Variants in USP31 observed in about 807,000 individuals in gnomAD.
USP31 encodes ubiquitin carboxyl-terminal hydrolase 31.
Under a neutral mutation model 119.4 loss-of-function variants are expected in USP31, and 44 were observed. That is an observed-to-expected ratio of 0.37 (90% confidence interval 0.29 to 0.47). USP31 has a LOEUF of 0.47. Among genes scored for constraint, USP31 ranks in the 20% least tolerant of loss-of-function variants. The pLI is 0.99. For missense variants in USP31, 1,643 were observed against 1,730.2 expected (o/e 0.95, Z 0.89); for synonymous variants, 749 against 705.6 (o/e 1.06, Z -0.97).
At chr16:23,072,721 C>T (rs373671524) in intron 14 of USP31, among the ~76,000 whole-genome samples, 3 of 152,106 alleles carry the variant, frequency 2.0e-5, no homozygotes, top group Non-Finnish European at 4.4e-5. Context: ...GTTCCAGGGA[C>T]GCCCTTAAAT....
Position 23,087,769 on chromosome 16 carries a change from G to C in USP31, c.1482C>G (p.Ile494Met). 1 of 1,614,070 alleles carries C rather than the reference G, an allele frequency of 6.2e-7. No individual in the cohort carries two copies. Among genetic ancestry groups the C allele is most frequent in the African/African-American group, 1.3e-5 (1 of 75,050 alleles). The stretch of plus-strand genomic sequence containing the variant: ...TCAAGAAATACTTCATCTTCTCCAA[G>C]ATTTCCTTCTGCAGAAGGTCCCAAG... Reference protein sequence around the residue: ...TIAWDLLQKEILEKMKYFLRP... With the variant: ...TIAWDLLQKEMLEKMKYFLRP... Residue 494 changes from isoleucine (I) to methionine (M), a missense_variant, in exon 8 of 16, where the codon ATC becomes ATG. Physicochemically the swap from Ile to Met is conservative, Grantham distance 10 (BLOSUM62 1). Coordinates refer to ENST00000219689, the MANE Select transcript of USP31 (RefSeq NM_020718.4).
chr16:23,080,742 G>A (rs1900784209), intron 12 of USP31, among the ~76,000 whole-genome samples: 1 of 152,212 alleles, frequency 6.6e-6, no homozygotes, highest in Non-Finnish European at 1.5e-5. Context: ...AAGAGATAAT[G>A]ACTGAATGTT....
intron 7 of USP31, among the ~76,000 whole-genome samples, chr16:23,088,965 C>T (rs1011949619): frequency 3.3e-5 from 5 of 152,210 alleles, no homozygotes; most frequent in African/African-American, 7.2e-5. Flanking sequence ...TCAAACTGTT[C>T]GCTCACAGTG....
intron 1 of USP31, among the ~76,000 whole-genome samples, chr16:23,131,016 A>T (rs1260853018): frequency 6.6e-6 from 1 of 152,190 alleles, no homozygotes; most frequent in Non-Finnish European, 1.5e-5. Flanking sequence ...CCGTCAAGAC[A>T]TTTAGAAATT....
chr16:23,107,294 C>T (rs892373862), intron 2 of USP31, among the ~76,000 whole-genome samples: 2 of 152,104 alleles, frequency 1.3e-5, no homozygotes, highest in African/African-American at 4.8e-5. Context: ...CTGTACAGAA[C>T]ATTAGGATAC....
At chr16:23,120,938 CACACA>C (rs1902646313) in intron 1 of USP31, among the ~76,000 whole-genome samples, 1 of 152,124 alleles carries the variant, frequency 6.6e-6, no homozygotes, top group African/African-American at 2.4e-5. Flanking sequence ...TATATATACA[CACACA>C]AGAGGCAAAA....
At chr16:23,081,709 G>A (rs544366829) in intron 12 of USP31, among the ~76,000 whole-genome samples, 47 of 152,136 alleles carry the variant, frequency 3.1e-4, no homozygotes, top group Non-Finnish European at 6.6e-4. Context: ...ATCCACCCAC[G>A]TCTTCCATCA....
At chr16:23,115,494 A>C (rs1345909811) in intron 1 of USP31, among the ~76,000 whole-genome samples, 2 of 152,248 alleles carry the variant, frequency 1.3e-5, no homozygotes, top group Non-Finnish European at 2.9e-5. Flanking sequence ...GTCTCTATTT[A>C]AAATAAATAA....
At chr16:23,122,379 T>A (rs993650920) in intron 1 of USP31, among the ~76,000 whole-genome samples, 1 of 152,186 alleles carries the variant, frequency 6.6e-6, no homozygotes, top group African/African-American at 2.4e-5. Context: ...TAAAATGGTA[T>A]AGCAATGTTG....
rs1901920246 is a variant in USP31 at position 23,102,448 on chromosome 16, T to C, written c.1105A>G (p.Met369Val). ...IPTDQIVLTE[M>V]YYDGFHRSFC... ...GAACGATGGAACCCATCATAGTACA[T>C]TTCTGTTAACACAATCTAAAAATAG... Residue 369 changes from methionine to valine, a missense_variant, in exon 6 of 16, where the codon ATG (methionine) becomes GTG (valine). Physicochemically the swap from Met to Val is conservative, Grantham distance 21. Around this residue, in one of 5 missense-constraint regions of USP31, gnomAD observed 219 missense variants for 226.4 expected, o/e 0.97. Coordinates refer to ENST00000219689, the MANE Select transcript of USP31 (RefSeq NM_020718.4). The C allele has an allele frequency of 6.2e-7, 1 of 1,608,822 alleles. No homozygotes were observed. Among genetic ancestry groups the C allele is most frequent in the Non-Finnish European group, 8.5e-7 (1 of 1,178,198 alleles).
intron 1 of USP31, among the ~76,000 whole-genome samples, chr16:23,120,141 C>A (rs1902619508): frequency 6.6e-6 from 1 of 152,118 alleles, no homozygotes; most frequent in Admixed American, 6.5e-5. Context: ...GTAAAACAAA[C>A]CCTTTTTTTA....
In USP31 at chr16:23,062,365, A is replaced by C. The variant is rs1899869583; in HGVS notation, c.*5681T>G. The C allele has an allele frequency of 1.4e-5, 2 of 144,694 alleles. No individual in the cohort carries two copies. Among genetic ancestry groups the C allele is most frequent in the East Asian group, 3.9e-4 (2 of 5,066 alleles). 9.0% of individuals were successfully genotyped at this position (144,694 alleles called of 1,614,324 possible). On this transcript the variant is annotated 3_prime_UTR_variant, in exon 16 of 16. Transcript: ENST00000219689. ...AACAAAAACACGAAAAAATAGCAAT[A>C]AGGGTTTTTTTTTTTTAAAAAAAAG...
At chr16:23,145,131 G>T (rs1033763209) in intron 1 of USP31, among the ~76,000 whole-genome samples, 1 of 152,012 alleles carries the variant, frequency 6.6e-6, no homozygotes, top group Non-Finnish European at 1.5e-5. Flanking sequence ...TCCTTGCCCT[G>T]CAAATTTCTA....
intron 7 of USP31, among the ~76,000 whole-genome samples, chr16:23,090,301 G>A (rs1366854665): frequency 1.3e-5 from 2 of 152,066 alleles, no homozygotes; most frequent in African/African-American, 4.8e-5. Context: ...CAAGAGAATC[G>A]CTTGAACCTG....
intron 1 of USP31, among the ~76,000 whole-genome samples, chr16:23,128,551 T>A (rs572304659): frequency 6.6e-6 from 1 of 152,352 alleles, no homozygotes; most frequent in South Asian, 2.1e-4. Context: ...CAAGCTTTTA[T>A]CTAGCCTTTC....
Position 23,068,894 on chromosome 16 carries a change from AG to A in USP31, c.3210del (p.Ser1071ProfsTer84). ...SPLPVKVSLK[P>X]SRSRSKADSS... Reference sequence around the variant, plus strand: ...GAATCTGCTTTGCTGCGGGAGCGGGAGGGCTTTAGAGAGACTTTTACAGGAA... The same window carrying A: ...GAATCTGCTTTGCTGCGGGAGCGGGAGGCTTTAGAGAGACTTTTACAGGAA... On this transcript the variant is annotated frameshift_variant, in exon 16 of 16. Coordinates refer to ENST00000219689, the MANE Select transcript of USP31 (RefSeq NM_020718.4). LOFTEE classifies it high-confidence loss of function. The A allele has an allele frequency of 6.2e-7, 1 of 1,604,626 alleles. No homozygotes were observed. Among genetic ancestry groups the A allele is most frequent in the South Asian group, 1.1e-5 (1 of 89,466 alleles).
At chr16:23,092,074 A>G (rs1901387339) in intron 6 of USP31, among the ~76,000 whole-genome samples, 1 of 139,086 alleles carries the variant, frequency 7.2e-6, no homozygotes, top group African/African-American at 2.5e-5. Context: ...CTGTGGACCC[A>G]TTTACTGCCA....
At chr16:23,085,502 G>A (rs1901068402) in intron 10 of USP31, 83 bp downstream of exon 10, 1 of 1,234,194 alleles carries the variant, frequency 8.1e-7, no homozygotes, top group South Asian at 1.3e-5. Context: ...TTGTGTTTCA[G>A]CTCATTTAAC....
chr16:23,115,595 T>C (rs920792827), intron 1 of USP31, among the ~76,000 whole-genome samples: 3 of 152,330 alleles, frequency 2.0e-5, no homozygotes, highest in South Asian at 2.1e-4. Flanking sequence ...AATGTGGGTA[T>C]AGTGTTTCTG....
Sources: allele counts gnomAD v4.1 joint callset (sites outside exome capture counted in the v4.1 genomes callset), GRCh38; gene constraint gnomAD v4.1.1; regional missense constraint gnomAD v4.1.1; transcripts MANE v1.5; gene names NCBI Gene and HGNC (gene_info 2026-07-23, HGNC 2026-07-21).